The following HAGH variants were observed in gnomAD, a reference collection of about 807,000 sequenced individuals.
HAGH encodes the protein hydroxyacylglutathione hydrolase, mitochondrial.
In HAGH, 29 loss-of-function variants were observed where a neutral mutation model predicts 35.1. That is an observed-to-expected ratio of 0.83 (90% CI 0.62 to 1.13). The LOEUF (loss-of-function observed/expected upper bound fraction) is 1.13. HAGH is among the 50% of genes most tolerant of loss of function. HAGH has a pLI of 0.00. For synonymous variants in HAGH, 225 were observed against 176.1 expected, an observed-to-expected ratio of 1.28 and a Z score of -2.20; for missense variants, 478 against 419.6, an observed-to-expected ratio of 1.14 and a Z score of -1.22.
At chr16:1,812,272 G>C (rs1243944478) in intron 7 of HAGH, 1 of 151,208 alleles carries the variant, frequency 6.6e-6, no homozygotes, top group Admixed American at 6.6e-5. Context: ...TTGGGAGGCT[G>C]AGGCGGGCAG....
upstream of HAGH, chr16:1,826,827 C>T (rs922487099): frequency 3.0e-4 from 357 of 1,200,020 alleles, 1 homozygote; most frequent in Non-Finnish European, 3.6e-4. Flanking sequence ...CCCAGGACTG[C>T]AAAACACCGG....
Position 1,826,668 on chromosome 16 carries a change from G to T in HAGH, c.76+44C>A, listed in dbSNP as rs1488980507. 3.1e-6 allele frequency: 3 copies of T among 968,470 alleles called. No homozygotes were observed. In the East Asian group the frequency reaches 3.4e-4, roughly 109 times the overall value. The allele number at this position is 968,470 out of a possible 1,614,324, so 60.0% of individuals were successfully genotyped here. A position where few individuals can be genotyped will look rare whatever the true frequency, so the allele number is the denominator to read the frequency against. On this transcript the variant is annotated intron_variant, in intron 1 of 8. Transcript: ENST00000397356. ...CCCGGCGCCGCCCGCTGCCCGCCCC[G>T]CCAGGCCCGCGTCCCCCGGCCCGCA...
chr16:1,818,459 GTCACTCCCACCTGGGT>G (rs1460810926), intron 5 of HAGH: 1 of 152,332 alleles, frequency 6.6e-6, no homozygotes, highest in Non-Finnish European at 1.5e-5. Flanking sequence ...GTGGCCCTGG[GTCACTCCCACCTGGGT>G]TCAAGGCTGG....
chr16:1,817,246 G>A lies in HAGH; in HGVS notation c.567C>T (p.Cys189=), dbSNP rs761311235. The A allele has an allele frequency of 7.4e-6, 12 of 1,612,388 alleles. No homozygotes were observed. Among genetic ancestry groups the A allele is most frequent in the East Asian group, 2.2e-5 (1 of 44,870 alleles). ...FTGDTLFVAG[C]GKFYEGTADE... ...CCGCAGTCCCTTCATAGAACTTCCC[G>A]CAGCCAGCCACAAACAAGGTGTCAC... Residue 189 remains cysteine, a synonymous_variant, in exon 6 of 9, where the codon TGC becomes TGT. Coordinates refer to ENST00000397356, the MANE Select transcript of HAGH (RefSeq NM_005326.6).
At chr16:1,826,991 A>AGCG (rs28364708), upstream of HAGH, 96,473 of 619,244 alleles carry the variant, frequency 0.16, 8,234 homozygotes, top group South Asian at 0.24. Flanking sequence ...CGGGCCTGGG[A>AGCG]GCGGCGGCGG....
In HAGH at chr16:1,819,189, G is replaced by C; in HGVS notation, c.467C>G (p.Pro156Arg). ...ACAAATGTGTCCTGAAGTGTGGCAC[G>C]GGGTCGCCAGGCACTTGACGTTCAG... ...GSLNVKCLAT[P>R]CHTSGHICYF... Residue 156 changes from proline to arginine, a missense_variant, in exon 5 of 9, where the codon CCG becomes CGG. Physicochemically the swap from Pro to Arg is moderately radical, Grantham distance 103 (BLOSUM62 -2). Transcript: ENST00000397356. The C allele has an allele frequency of 6.2e-7, 1 of 1,612,464 alleles. No homozygotes were observed. Among genetic ancestry groups the C allele is most frequent in the South Asian group, 1.1e-5 (1 of 90,968 alleles).
Position 1,816,792 on chromosome 16 carries a change from G to A in HAGH, c.747+101C>T, listed in dbSNP as rs942928472. ...GGCCTGAATCCCAGGCCTGCTCTCT[G>A]GGCTCAGAGTGTGAGTGTCTACCCA... On this transcript the variant is annotated intron_variant, in intron 7 of 8. Coordinates refer to ENST00000397356, the MANE Select transcript of HAGH (RefSeq NM_005326.6). 5 of 742,008 alleles carry A rather than the reference G, an allele frequency of 6.7e-6. No homozygotes were observed. In the African/African-American group the frequency reaches 6.9e-5, roughly 10 times the overall value. The allele number at this position is 742,008 out of a possible 1,614,324, so 46.0% of individuals were successfully genotyped here. A position where few individuals can be genotyped will look rare whatever the true frequency, so the allele number is the denominator to read the frequency against.
intron 7 of HAGH, among the ~76,000 whole-genome samples, chr16:1,813,895 G>A (rs1378895298): frequency 6.6e-6 from 1 of 152,146 alleles, no homozygotes; most frequent in Non-Finnish European, 1.5e-5. Flanking sequence ...AGCAGACTCG[G>A]GCATAGAGGG....
rs527854138 is a variant in HAGH, at chr16:1,820,514, G to C, written c.315-500C>G. ...TTCAGCATGGGAATCACCTGGGTGCGTCTGGGATGAGCAGCTGGCCCTAGA... is the reference window on the plus strand; with the variant it reads ...TTCAGCATGGGAATCACCTGGGTGCCTCTGGGATGAGCAGCTGGCCCTAGA... On this transcript the variant is annotated intron_variant, in intron 3 of 8. Transcript: ENST00000397356. 3.3e-5 allele frequency among the ~76,000 whole-genome samples: 5 copies of C among 152,306 alleles called. No individual in the cohort carries two copies. In the South Asian group the frequency reaches 1.0e-3, roughly 32 times the overall value.
intron 1 of HAGH, among the ~76,000 whole-genome samples, chr16:1,823,744 TAAAAAAAAAA>T (rs71145496): frequency 0.12 from 6,505 of 56,214 alleles, 254 homozygotes; most frequent in East Asian, 0.22. Flanking sequence ...ACCTGTTCCT[TAAAAAAAAAA>T]AAAAAAAAAA....
chr16:1,809,055 G>A lies in HAGH; in HGVS notation c.*228C>T, dbSNP rs569197681. On this transcript the variant is annotated 3_prime_UTR_variant, in exon 9 of 9. Transcript: ENST00000397356. Reference sequence around the variant, plus strand: ...ACGGAGGAGGAAGGAGGCCCGAGGGGACAAGCAGAGGCCTAAAGGCCAGAA... The same window carrying A: ...ACGGAGGAGGAAGGAGGCCCGAGGGAACAAGCAGAGGCCTAAAGGCCAGAA... 4 of 499,852 alleles carry A rather than the reference G, an allele frequency of 8.0e-6. No homozygotes were observed. Among genetic ancestry groups the A allele is most frequent in the African/African-American group, 7.7e-5 (4 of 51,760 alleles). The allele number at this position is 499,852 out of a possible 1,614,324, so 31.0% of individuals were successfully genotyped here.
chr16:1,819,927 A>G lies in HAGH; in HGVS notation c.402T>C (p.Thr134=). Residue 134 remains threonine, a synonymous_variant, in exon 4 of 9, where the codon ACT becomes ACC. Transcript: ENST00000397356. ...YGGDDRIGAL[T]HKITHLSTLQ... is the part of the protein sequence containing the mutation. Reference sequence around the variant, plus strand: ...GTGTGGACAGGTGAGTGATCTTGTGAGTCAGGGCCCCGATACGGTCGTCAC... The same window carrying G: ...GTGTGGACAGGTGAGTGATCTTGTGGGTCAGGGCCCCGATACGGTCGTCAC... 1 of 1,611,852 alleles carries G rather than the reference A, an allele frequency of 6.2e-7. No individual in the cohort carries two copies.
rs190563375 is a variant in HAGH at position 1,809,670 on chromosome 16, G to A, written c.827+84C>T. ...CCCCAAGGCAGCCTCAGCCATCTGG[G>A]GTCTCGGACGTACCGGCTGTGTGTG... On this transcript the variant is annotated intron_variant, in intron 8 of 8. Coordinates refer to ENST00000397356, the MANE Select transcript of HAGH (RefSeq NM_005326.6). 589 of 991,122 alleles carry A rather than the reference G, an allele frequency of 5.9e-4. 3 individuals carry two copies. In the East Asian group the frequency reaches 0.012, roughly 21 times the overall value. 61.4% of individuals were successfully genotyped at this position (991,122 alleles called of 1,614,324 possible). A position where few individuals can be genotyped will look rare whatever the true frequency, so the allele number is the denominator to read the frequency against.
chr16:1,820,919 G>A (rs966376804), intron 3 of HAGH, among the ~76,000 whole-genome samples: 6 of 152,180 alleles, frequency 3.9e-5, no homozygotes, highest in Non-Finnish European at 7.4e-5. Context: ...AGGACTTCAC[G>A]TGTCGGCATG....
rs11558512 is a variant in HAGH, at chr16:1,822,311, G to C, written c.303C>G (p.Thr101=). 3.7e-6 allele frequency: 6 copies of C among 1,608,668 alleles called. No homozygotes were observed. The highest frequency in any genetic ancestry group is 1.7e-6 in the Non-Finnish European group (2 of 1,175,882). ...HGVKLTTVLT[T]HHHWDHAGGN... Reference sequence around the variant, plus strand: ...GACGCGGCACTTACCAGTGGTGGTGGGTGGTGAGCACTGTGGTCAGTTTCA... The same window carrying C: ...GACGCGGCACTTACCAGTGGTGGTGCGTGGTGAGCACTGTGGTCAGTTTCA... Residue 101 remains threonine, a synonymous_variant, in exon 3 of 9, where the codon ACC becomes ACG. Transcript: ENST00000397356.
intron 1 of HAGH, among the ~76,000 whole-genome samples, chr16:1,824,939 G>A (rs1198455396): frequency 6.6e-6 from 1 of 151,298 alleles, no homozygotes; most frequent in African/African-American, 2.4e-5. Context: ...CTGCAGGTGG[G>A]GTGCAGAAGG....
intron 3 of HAGH, 132 bp from the exon 4 acceptor site, chr16:1,820,146 C>G (rs56309238): frequency 0.076 from 53,630 of 704,856 alleles, 2,443 homozygotes; most frequent in African/African-American, 0.16. Context: ...CACTTATTTT[C>G]CACTCACAAA....
intron 7 of HAGH, among the ~76,000 whole-genome samples, chr16:1,815,808 CAGG>C (rs1224807838): frequency 6.6e-6 from 1 of 152,078 alleles, no homozygotes; most frequent in Non-Finnish European, 1.5e-5. Context: ...TACCTGAAGT[CAGG>C]AGTTCAAGAC....
At chr16:1,813,630 C>T (rs947206861) in intron 7 of HAGH, among the ~76,000 whole-genome samples, 4 of 152,300 alleles carry the variant, frequency 2.6e-5, no homozygotes, top group East Asian at 3.9e-4. Context: ...ATGTTAAGAT[C>T]GCAATTCTCG....
Sources: gnomAD v4.1 joint callset for allele counts (sites outside exome capture counted in the v4.1 genomes callset) on GRCh38, gnomAD v4.1.1 for gene constraint, MANE v1.5 for transcripts, NCBI Gene and HGNC (gene_info 2026-07-23, HGNC 2026-07-21) for gene names.